KIF13B: variants seen among roughly 807,000 people sequenced by gnomAD.
The protein encoded by KIF13B is kinesin-like protein KIF13B.
A neutral mutation model predicts 222.0 loss-of-function variants in KIF13B; 127 were observed. That is an observed-to-expected ratio of 0.57 (90% CI 0.50 to 0.66). The LOEUF (loss-of-function observed/expected upper bound fraction) is 0.66, where lower values mean the gene tolerates loss of function less well. Ranked by LOEUF, KIF13B falls within the 30% of genes least tolerant of loss-of-function variation. The pLI, the probability that KIF13B is intolerant of heterozygous loss-of-function variation, is 0.00. For synonymous variants in KIF13B, 976 were observed against 919.0 expected, an observed-to-expected ratio of 1.06 and a Z score of -1.12; for missense variants, 2,173 against 2,379.0, an observed-to-expected ratio of 0.91 and a Z score of 1.80.
chr8:29,167,578 A>G lies in KIF13B; in HGVS notation c.953T>C (p.Leu318Pro), dbSNP rs747739598. 3.1e-6 allele frequency: 5 copies of G among 1,613,852 alleles called. No individual in the cohort carries two copies. The highest frequency in any genetic ancestry group is 8.5e-7 in the Non-Finnish European group (1 of 1,179,722). The change falls in exon 11 of 40, where the codon CTC becomes CCC. Residue 318 changes from leucine (L) to proline (P), a missense_variant. Leu to Pro is a moderately conservative substitution (Grantham distance 98). This residue lies in a region of KIF13B where 1,480 missense variants were observed against 1,722.8 expected (regional missense o/e 0.86). Transcript: ENST00000524189. The part of the protein sequence containing the change: ...SVLTWLLKDS[L>P]GGNSKTAMVA... ...CATGGCGGTCTTGCTGTTACCCCCGAGGCTGTCCTACAGGAGAAAACAGAA... is the reference window on the plus strand; with the variant it reads ...CATGGCGGTCTTGCTGTTACCCCCGGGGCTGTCCTACAGGAGAAAACAGAA...
intron 2 of KIF13B, among the ~76,000 whole-genome samples, chr8:29,200,688 CT>C (rs888089343): frequency 2.6e-5 from 4 of 152,122 alleles, no homozygotes; most frequent in African/African-American, 9.7e-5. Flanking sequence ...CACTAATGTC[CT>C]TTTTTTGGTC....
intron 2 of KIF13B, among the ~76,000 whole-genome samples, chr8:29,223,098 G>A (rs562565806): frequency 7.3e-5 from 11 of 150,036 alleles, no homozygotes; most frequent in African/African-American, 2.5e-4. Flanking sequence ...CACAAGGATC[G>A]CTTGAGCTCA....
At chr8:29,219,754 T>TAAAG (rs1814659278) in intron 2 of KIF13B, among the ~76,000 whole-genome samples, 1 of 146,060 alleles carries the variant, frequency 6.8e-6, no homozygotes, top group Non-Finnish European at 1.5e-5. Flanking sequence ...CCAAAATAAA[T>TAAAG]AAATAAATAA....
chr8:29,090,658 C>CA (rs1808256990), intron 37 of KIF13B, among the ~76,000 whole-genome samples: 1 of 152,170 alleles, frequency 6.6e-6, no homozygotes, highest in Non-Finnish European at 1.5e-5. Flanking sequence ...GCTTTACTAC[C>CA]AGGTATCTTC....
intron 12 of KIF13B, 95 bp downstream of exon 12, chr8:29,165,567 C>T (rs557228868): frequency 1.4e-6 from 1 of 734,756 alleles, no homozygotes; most frequent in South Asian, 1.8e-5. Flanking sequence ...TGCCATCAGC[C>T]AAGCTGAAGA....
chr8:29,150,801 A>G (rs1811262530), intron 14 of KIF13B, among the ~76,000 whole-genome samples: 1 of 152,164 alleles, frequency 6.6e-6, no homozygotes. Flanking sequence ...TAAATTTAGT[A>G]AATGTAGTAT....
At chr8:29,262,823 C>T (rs1210244253) in intron 1 of KIF13B, among the ~76,000 whole-genome samples, 157 bp downstream of exon 1, 3 of 150,894 alleles carry the variant, frequency 2.0e-5, no homozygotes, top group Admixed American at 2.0e-4. Context: ...CCGGGCGTCT[C>T]AGCGCGGGAG....
chr8:29,193,250 C>A (rs1813269276), intron 3 of KIF13B, among the ~76,000 whole-genome samples: 1 of 152,168 alleles, frequency 6.6e-6, no homozygotes, highest in Non-Finnish European at 1.5e-5. Context: ...ACACTGCTCA[C>A]CCTCCATGTT....
At chr8:29,089,772 T>G (rs1308832910) in intron 37 of KIF13B, among the ~76,000 whole-genome samples, 1 of 150,496 alleles carries the variant, frequency 6.6e-6, no homozygotes, top group Non-Finnish European at 1.5e-5. Flanking sequence ...CAGGTGCCTG[T>G]AATCCCAGCT....
In KIF13B at chr8:29,222,515, C is replaced by CT. The variant is rs58488862; in HGVS notation, c.149+22830dup. Among the ~76,000 whole-genome samples the CT allele has an allele frequency of 2.8e-4, 17 of 60,592 alleles. 4 individuals are homozygous for CT. In the East Asian group the frequency reaches 4.2e-3, roughly 15 times the overall value. 39.8% of individuals were successfully genotyped at this position (60,592 alleles called of 152,430 possible). A position where few individuals can be genotyped will look rare whatever the true frequency, so the allele number is the denominator to read the frequency against. ...TCCTGAGCTCAAGTCCCACACCTGACTTTTTTTTTTTTTTTTTTTTTTTTT... is the reference window on the plus strand; with the variant it reads ...TCCTGAGCTCAAGTCCCACACCTGACTTTTTTTTTTTTTTTTTTTTTTTTTT... On this transcript the variant is annotated intron_variant, in intron 2 of 39. Coordinates refer to ENST00000524189, the MANE Select transcript of KIF13B (RefSeq NM_015254.4).
intron 23 of KIF13B, among the ~76,000 whole-genome samples, chr8:29,131,645 C>T (rs1283408931): frequency 1.3e-5 from 2 of 152,194 alleles, no homozygotes; most frequent in Non-Finnish European, 2.9e-5. Flanking sequence ...ACACTGATGC[C>T]ACTCAGAGCT....
chr8:29,241,550 T>C (rs1815778475), intron 2 of KIF13B, among the ~76,000 whole-genome samples: 1 of 152,206 alleles, frequency 6.6e-6, no homozygotes, highest in African/African-American at 2.4e-5. Flanking sequence ...ATTATTTTCA[T>C]AACAATACTA....
rs182148636 is a variant in KIF13B, at chr8:29,216,472, G to A, written c.150-20273C>T. Among the ~76,000 whole-genome samples the A allele has an allele frequency of 2.5e-3, 380 of 152,198 alleles. 5 individuals carry two copies. The highest frequency in any genetic ancestry group is 8.7e-3 in the African/African-American group (360 of 41,526). On this transcript the variant is annotated intron_variant, in intron 2 of 39. Coordinates refer to ENST00000524189, the MANE Select transcript of KIF13B (RefSeq NM_015254.4). Reference sequence around the variant, plus strand: ...TATTTAGCTGGGCATGGTGGCGGGTGCCTGTAGTCCCAGCTACTTGGGAGG... The same window carrying A: ...TATTTAGCTGGGCATGGTGGCGGGTACCTGTAGTCCCAGCTACTTGGGAGG...
intron 2 of KIF13B, among the ~76,000 whole-genome samples, chr8:29,198,001 T>C (rs1813517189): frequency 6.6e-6 from 1 of 152,234 alleles, no homozygotes; most frequent in African/African-American, 2.4e-5. Context: ...AATGTTTGCT[T>C]CCAATTGTCT....
rs1807292968 is a variant in KIF13B at position 29,071,806 on chromosome 8, G to GCGCATTCC, written c.5024_5031dup (p.Pro1678GlyfsTer43). ...GCCTGTCCCCCGGCGCCCGGGGCCG[G>GCGCATTCC]CGCATTCCCCTCGGCCCCCGGGGAG... On this transcript the variant is annotated frameshift_variant, in exon 39 of 40. Coordinates refer to ENST00000524189, the MANE Select transcript of KIF13B (RefSeq NM_015254.4). LOFTEE classifies it high-confidence loss of function. This position sits in a 1 kb window ranked among gnomAD's most constrained non-coding sequence, Gnocchi z 4.9. The GCGCATTCC allele has an allele frequency of 6.5e-7, 1 of 1,545,430 alleles. No individual in the cohort carries two copies. Among genetic ancestry groups the GCGCATTCC allele is most frequent in the Admixed American group, 2.0e-5 (1 of 50,938 alleles).
intron 14 of KIF13B, among the ~76,000 whole-genome samples, chr8:29,153,923 T>C (rs1320774342): frequency 6.6e-6 from 1 of 152,232 alleles, no homozygotes; most frequent in Non-Finnish European, 1.5e-5. Flanking sequence ...ATTTACCTGG[T>C]GATATAGTAT....
chr8:29,157,830 C>CAAA (rs901426407), intron 13 of KIF13B, among the ~76,000 whole-genome samples: 3 of 94,060 alleles, frequency 3.2e-5, no homozygotes, highest in African/African-American at 1.2e-4. Context: ...GACCCTGCCT[C>CAAA]AAAAAAAAAA....
intron 2 of KIF13B, among the ~76,000 whole-genome samples, chr8:29,203,387 T>C (rs1813784319): frequency 6.6e-6 from 1 of 152,206 alleles, no homozygotes. Context: ...TTTATTAAAC[T>C]CATGATTAAA....
intron 37 of KIF13B, 61 bp downstream of exon 37, chr8:29,092,684 G>T: frequency 6.0e-6 from 9 of 1,502,890 alleles, no homozygotes; most frequent in Non-Finnish European, 8.0e-6. Flanking sequence ...CAGCTTTGGC[G>T]CAACACAGAG....
Sources: gnomAD v4.1 joint callset for allele counts (sites outside exome capture counted in the v4.1 genomes callset) on GRCh38, gnomAD v4.1.1 for gene constraint, gnomAD v4.1.1 regional missense constraint, Gnocchi (gnomAD v3.1) non-coding constraint, MANE v1.5 for transcripts, NCBI Gene and HGNC (gene_info 2026-07-23, HGNC 2026-07-21) for gene names.